The following RALGPS1 variants were observed in gnomAD, a reference collection of about 807,000 sequenced individuals.
RALGPS1 encodes the protein Ral GEF with PH domain and SH3 binding motif 1, also known as ras-specific guanine nucleotide-releasing factor RalGPS1.
A neutral mutation model predicts 78.8 loss-of-function variants in RALGPS1; 19 were observed. The ratio of observed to expected loss-of-function variants is 0.24; its 90% CI spans 0.17 to 0.35. The LOEUF is 0.35. RALGPS1 is among the 10% of genes least tolerant of loss of function. The pLI, the probability that RALGPS1 is intolerant of heterozygous loss-of-function variation, is 1.00. For missense variants in RALGPS1, 454 were observed against 688.3 expected (o/e 0.66, Z 3.81); for synonymous variants, 228 against 256.3 (o/e 0.89, Z 1.06).
rs35466028 is a variant in RALGPS1, at chr9:127,032,373, GCACA to G, written c.217-2041_217-2038del. 2.1e-4 allele frequency among the ~76,000 whole-genome samples: 32 copies of G among 151,078 alleles called. 1 individual carries two copies. Among genetic ancestry groups the G allele is most frequent in the Middle Eastern group, 3.4e-3 (1 of 290 alleles). ...AATTCACTCATGCACATGTGCGTGTGCACACACACACACACACACATGACTTCTG... is the reference window on the plus strand; with the variant it reads ...AATTCACTCATGCACATGTGCGTGTGCACACACACACACACATGACTTCTG... On this transcript the variant is annotated intron_variant, in intron 4 of 18. Transcript: ENST00000259351.
chr9:127,046,296 G>A lies in RALGPS1; in HGVS notation c.301-3747G>A, dbSNP rs553391335. ...TTCCCACTTGTTAAATATTGGCTGA[G>A]CTTAGTGACTTCCTTGCAGAGTTTG... On this transcript the variant is annotated intron_variant, in intron 5 of 18. Transcript: ENST00000259351. Among the ~76,000 whole-genome samples, 5 of 152,304 alleles carry A rather than the reference G, an allele frequency of 3.3e-5. No individual in the cohort carries two copies. The East Asian group carries it at 9.6e-4, about 29-fold the overall frequency.
intron 18 of RALGPS1, among the ~76,000 whole-genome samples, chr9:127,215,407 G>A (rs540429464): frequency 2.0e-5 from 3 of 152,298 alleles, no homozygotes; most frequent in East Asian, 1.9e-4. Context: ...GCCCCCAGCC[G>A]TCCCACGAAG....
intron 8 of RALGPS1, among the ~76,000 whole-genome samples, chr9:127,165,382 C>T (rs2059244190): frequency 6.6e-6 from 1 of 152,246 alleles, no homozygotes; most frequent in African/African-American, 2.4e-5. Context: ...CAAATCCCCC[C>T]GGCTTATCAC....
chr9:126,946,533 CAAAAAAAAAA>C lies in RALGPS1; in HGVS notation c.-65-15678_-65-15669del, dbSNP rs61279292. Among the ~76,000 whole-genome samples the C allele has an allele frequency of 6.8e-3, 515 of 76,230 alleles. 2 individuals carry two copies. Among genetic ancestry groups the C allele is most frequent in the African/African-American group, 0.025 (481 of 19,304 alleles). 50.0% of individuals were successfully genotyped at this position (76,230 alleles called of 152,430 possible). ...TGGGTGAGGGAGCAAGAATCTGTCT[CAAAAAAAAAA>C]AAAAAAAAAAAAAGATTGAGGGCTT... On this transcript the variant is annotated intron_variant, in intron 1 of 18. Coordinates refer to ENST00000259351, the MANE Select transcript of RALGPS1 (RefSeq NM_014636.3).
chr9:126,961,688 C>A, intron 1 of RALGPS1, among the ~76,000 whole-genome samples: 1 of 152,246 alleles, frequency 6.6e-6, no homozygotes, highest in Middle Eastern at 3.4e-3. Context: ...CCCAGCAACT[C>A]GGGAGACTGA....
rs1390208257 is a variant in RALGPS1, at chr9:127,222,091, CATTT to C, written c.*3326_*3329del. Reference sequence around the variant, plus strand: ...CTCTGCACAAAACCACCCATTCATTCATTTATTCATTCACAGCACTAGCAAGTGC... The same window carrying C: ...CTCTGCACAAAACCACCCATTCATTCATTCATTCACAGCACTAGCAAGTGC... On this transcript the variant is annotated 3_prime_UTR_variant, in exon 19 of 19. Transcript: ENST00000259351. 2.0e-5 allele frequency: 3 copies of C among 152,250 alleles called. No individual in the cohort carries two copies. The highest frequency in any genetic ancestry group is 4.4e-5 in the Non-Finnish European group (3 of 68,058). 9.4% of individuals were successfully genotyped at this position (152,250 alleles called of 1,614,324 possible). A position where few individuals can be genotyped will look rare whatever the true frequency, so the allele number is the denominator to read the frequency against.
intron 8 of RALGPS1, among the ~76,000 whole-genome samples, chr9:127,095,039 G>C (rs900107113): frequency 1.3e-5 from 2 of 152,196 alleles, no homozygotes; most frequent in Non-Finnish European, 2.9e-5. Flanking sequence ...GAAGGTCAAG[G>C]CCTAGCCATT....
At chr9:127,034,143 G>A (rs973849915) in intron 4 of RALGPS1, among the ~76,000 whole-genome samples, 1 of 152,172 alleles carries the variant, frequency 6.6e-6, no homozygotes, top group African/African-American at 2.4e-5. Context: ...AGGACTTCTG[G>A]TCTTAGAGAA....
intron 5 of RALGPS1, among the ~76,000 whole-genome samples, chr9:127,037,685 G>A (rs111434331): frequency 6.6e-6 from 1 of 152,242 alleles, no homozygotes; most frequent in African/African-American, 2.4e-5. Flanking sequence ...AGGATGGCTA[G>A]CAACAATTCC....
chr9:127,131,198 A>G (rs1427888127), intron 8 of RALGPS1, among the ~76,000 whole-genome samples: 1 of 152,170 alleles, frequency 6.6e-6, no homozygotes, highest in African/African-American at 2.4e-5. Flanking sequence ...GCAGCCTCTC[A>G]TCCCTCTCCT....
intron 14 of RALGPS1, among the ~76,000 whole-genome samples, chr9:127,199,359 G>A (rs756744344): frequency 6.6e-6 from 1 of 152,230 alleles, no homozygotes; most frequent in Non-Finnish European, 1.5e-5. Context: ...GGTCCGAAGT[G>A]TGGGTTCTTG....
At position 127,205,122 on chromosome 9, in the gene RALGPS1, A is replaced by G. The variant is rs1406358953; in HGVS notation, c.1247+6056A>G. On this transcript the variant is annotated intron_variant, in intron 14 of 18. Transcript: ENST00000259351. This position sits in a 1 kb window ranked among gnomAD's most constrained non-coding sequence, Gnocchi z 4.0. ...CCCTGAGTCTGGTGTCCTCGGGTTC[A>G]TTCTGCTGCCTGGTGCCTGGCTTCA... Among the ~76,000 whole-genome samples the G allele has an allele frequency of 6.6e-6, 1 of 152,230 alleles. No individual in the cohort carries two copies. The highest frequency in any genetic ancestry group is 1.5e-5 in the Non-Finnish European group (1 of 68,032).
chr9:127,040,525 T>C (rs1297623603), intron 5 of RALGPS1, among the ~76,000 whole-genome samples: 1 of 152,012 alleles, frequency 6.6e-6, no homozygotes, highest in African/African-American at 2.4e-5. Context: ...TCTGACACAG[T>C]GGGGGTCAAG....
intron 4 of RALGPS1, chr9:126,978,113 C>G (rs1465156176): frequency 6.0e-6 from 1 of 167,110 alleles, no homozygotes; most frequent in East Asian, 1.6e-4. Context: ...TTTGTTCATC[C>G]CAAATTCTGG....
At chr9:126,990,187 G>C in intron 4 of RALGPS1, 1 of 668,828 alleles carries the variant, frequency 1.5e-6, no homozygotes, top group East Asian at 2.9e-5. Flanking sequence ...GTGGAGATTG[G>C]TTTCCCTGAC....
Position 126,964,952 on chromosome 9 carries a change from C to G in RALGPS1, c.58-892C>G, listed in dbSNP as rs558463312. 1.4e-4 allele frequency among the ~76,000 whole-genome samples: 22 copies of G among 152,320 alleles called. 1 individual carries two copies. In the South Asian group the frequency reaches 4.6e-3, roughly 32 times the overall value. ...TAATGGAAACCACAAAATCCTTCTTCGTGAGCTGAGACGAATAAAATCATT... is the reference window on the plus strand; with the variant it reads ...TAATGGAAACCACAAAATCCTTCTTGGTGAGCTGAGACGAATAAAATCATT... On this transcript the variant is annotated intron_variant, in intron 2 of 18. Transcript: ENST00000259351.
At chr9:127,059,613 G>A (rs118191988) in intron 7 of RALGPS1, among the ~76,000 whole-genome samples, 3,547 of 152,102 alleles carry the variant, frequency 0.023, 45 homozygotes, top group Middle Eastern at 0.048. Flanking sequence ...TCCCTTGGTG[G>A]TCTCATCTGC....
At chr9:126,984,533 T>A (rs575463411) in intron 4 of RALGPS1, among the ~76,000 whole-genome samples, 11 of 152,368 alleles carry the variant, frequency 7.2e-5, no homozygotes, top group African/African-American at 2.6e-4. Flanking sequence ...TAATGGTGAC[T>A]TGTGGGTGTG....
At chr9:127,194,506 G>T (rs778668787) in intron 11 of RALGPS1, among the ~76,000 whole-genome samples, 2 of 152,290 alleles carry the variant, frequency 1.3e-5, no homozygotes, top group African/African-American at 4.8e-5. Flanking sequence ...TCCACCTCCC[G>T]GGTTCAAGCG....
Sources: gnomAD v4.1 joint callset for allele counts (sites outside exome capture counted in the v4.1 genomes callset) on GRCh38, gnomAD v4.1.1 for gene constraint, Gnocchi (gnomAD v3.1) non-coding constraint, MANE v1.5 for transcripts, NCBI Gene and HGNC (gene_info 2026-07-23, HGNC 2026-07-21) for gene names.